Variants in ALG13 observed in about 807,000 individuals in gnomAD.
ALG13 encodes UDP-N-acetylglucosamine transferase subunit ALG13.
Under a neutral mutation model 87.8 loss-of-function variants are expected in ALG13, and 11 were observed. The observed-to-expected ratio is 0.13, with a 90% confidence interval of 0.08 to 0.21. The LOEUF is 0.21. Among genes scored for constraint, ALG13 ranks in the 10% least tolerant of loss-of-function variants. ALG13 has a pLI of 1.00. For missense variants in ALG13, 756 were observed against 866.1 expected (o/e 0.87, Z 1.60); for synonymous variants, 320 against 306.3 (o/e 1.04, Z -0.47).
chrX:111,754,704 A>G (rs1945077900), intron 25 of ALG13, among the ~76,000 whole-genome samples: 1 of 111,655 alleles, frequency 9.0e-6, no homozygotes, highest in Non-Finnish European at 1.9e-5. Flanking sequence ...ATACCTAGGA[A>G]TCCAACTTAC....
chrX:111,689,483 C>G (rs1200701953), intron 3 of ALG13: 1 of 752,183 alleles, frequency 1.3e-6, no homozygotes, highest in African/African-American at 2.3e-5. Context: ...TCTACTTCCC[C>G]AGAATAATGC....
intron 2 of ALG13, among the ~76,000 whole-genome samples, chrX:111,683,635 C>T (rs1414836833): frequency 1.8e-5 from 2 of 110,647 alleles, no homozygotes; most frequent in Admixed American, 9.7e-5. Context: ...CACTGCACCC[C>T]TCCGGAGTTA....
At chrX:111,699,618 C>G (rs1452643527) in intron 3 of ALG13, among the ~76,000 whole-genome samples, 4 of 111,852 alleles carry the variant, frequency 3.6e-5, no homozygotes, top group Non-Finnish European at 7.5e-5. Flanking sequence ...AGTCAGTTTT[C>G]CCAACCCCAT....
At chrX:111,738,522 A>G (rs764562380) in intron 23 of ALG13, among the ~76,000 whole-genome samples, 1 of 112,039 alleles carries the variant, frequency 8.9e-6, no homozygotes, top group South Asian at 3.7e-4. Context: ...TTTAAGAGAA[A>G]TAAGAGTGCT....
In ALG13 at chrX:111,751,652, A is replaced by T. The variant is rs978959331; in HGVS notation, c.2933-1138A>T. On this transcript the variant is annotated intron_variant, in intron 24 of 26. Coordinates refer to ENST00000394780, the MANE Select transcript of ALG13 (RefSeq NM_001099922.3). Reference sequence around the variant, plus strand: ...TGAATTTATTTCCTACTATTTTTTTAAAATATTATGTAGCTTGAGCATTAG... The same window carrying T: ...TGAATTTATTTCCTACTATTTTTTTTAAATATTATGTAGCTTGAGCATTAG... Among the ~76,000 whole-genome samples the T allele has an allele frequency of 5.4e-5, 6 of 111,799 alleles. No homozygotes were observed. The East Asian group carries it at 8.4e-4, about 16-fold the overall frequency.
intron 15 of ALG13, 70 bp downstream of exon 15, chrX:111,725,131 T>A (rs1220268041): frequency 8.9e-7 from 1 of 1,120,877 alleles, no homozygotes; most frequent in African/African-American, 1.8e-5. Flanking sequence ...TGCATTGTAC[T>A]ATTTTTTAAA....
chrX:111,686,093 C>T lies in ALG13; in HGVS notation c.383+990C>T, dbSNP rs751764357. On this transcript the variant is annotated intron_variant, in intron 3 of 26. Coordinates refer to ENST00000394780, the MANE Select transcript of ALG13 (RefSeq NM_001099922.3). ...TTAGAATTCAACAGGAACTGATCAT[C>T]GTAATAGAAGGATGAAGAAAATTAC... is the stretch of plus-strand genomic sequence containing the variant. 1.8e-5 allele frequency: 17 copies of T among 921,994 alleles called. No homozygotes were observed. The South Asian group carries it at 4.4e-4, about 24-fold the overall frequency. 76.0% of individuals were successfully genotyped at this position (921,994 alleles called of 1,213,427 possible).
chrX:111,756,574 T>G (rs1346279419), intron 25 of ALG13, among the ~76,000 whole-genome samples: 1 of 111,543 alleles, frequency 9.0e-6, no homozygotes, highest in Non-Finnish European at 1.9e-5. Flanking sequence ...GCTCTTTTAT[T>G]TTAGTCTTTC....
intron 24 of ALG13, among the ~76,000 whole-genome samples, chrX:111,751,342 C>G (rs185569164): frequency 1.8e-5 from 2 of 112,076 alleles, no homozygotes; most frequent in East Asian, 5.6e-4. Flanking sequence ...GCTGGCATTA[C>G]AGGCCTGGGC....
At chrX:111,713,111 A>G (rs1389434714) in intron 7 of ALG13, 114 bp from the exon 8 acceptor site, 1 of 461,740 alleles carries the variant, frequency 2.2e-6, no homozygotes, top group Admixed American at 3.9e-5. Flanking sequence ...GGATATTTAT[A>G]TTACTTTATA....
intron 3 of ALG13, among the ~76,000 whole-genome samples, chrX:111,704,515 T>G (rs1938418384): frequency 8.9e-6 from 1 of 112,117 alleles, no homozygotes. Flanking sequence ...AACTATGTAG[T>G]GATGCACCAT....
At chrX:111,753,171 T>A in intron 25 of ALG13, 1 of 137,611 alleles carries the variant, frequency 7.3e-6, no homozygotes, top group Non-Finnish European at 1.4e-5. Context: ...AAAATATTTT[T>A]ATGACTATCT....
At chrX:111,725,565 A>G (rs1438519628) in intron 15 of ALG13, among the ~76,000 whole-genome samples, 1 of 111,235 alleles carries the variant, frequency 9.0e-6, no homozygotes, top group African/African-American at 3.3e-5. Flanking sequence ...GGGTGACTGT[A>G]GTTAACAATT....
Position 111,727,762 on chromosome X carries a change from A to G in ALG13, c.2239A>G (p.Thr747Ala), listed in dbSNP as rs1295711589. 5.8e-6 allele frequency: 7 copies of G among 1,200,443 alleles called. No individual in the cohort carries two copies. The highest frequency in any genetic ancestry group is 3.0e-5 in the East Asian group (1 of 33,624). ...VEEGDETAYP[T>A]LPNHGGPSTM... is the part of the protein sequence containing the mutation. ...AGAAGGGGATGAGACTGCTTATCCAACTTTACCTGTGAGTGGATCAATGCT... is the reference window on the plus strand; with the variant it reads ...AGAAGGGGATGAGACTGCTTATCCAGCTTTACCTGTGAGTGGATCAATGCT... The change falls in exon 18 of 27, where the codon ACT becomes GCT. Residue 747 changes from threonine (T) to alanine (A), a missense_variant. This residue lies in a region of ALG13 where 362 missense variants were observed against 383.5 expected (regional missense o/e 0.94). Coordinates refer to ENST00000394780, the MANE Select transcript of ALG13 (RefSeq NM_001099922.3).
intron 24 of ALG13, among the ~76,000 whole-genome samples, chrX:111,752,413 A>G (rs928930409): frequency 1.8e-5 from 2 of 110,909 alleles, no homozygotes; most frequent in African/African-American, 6.6e-5. Context: ...TCAAACAGAA[A>G]AGCTTTTTTT....
rs58695768 is a variant in ALG13, at chrX:111,688,684, A to G, written c.383+3581A>G. 3.3e-3 allele frequency: 2,448 copies of G among 748,830 alleles called. 39 individuals are homozygous for G. In the African/African-American group the frequency reaches 0.053, roughly 16 times the overall value. The allele number at this position is 748,830 out of a possible 1,213,427, so 61.7% of individuals were successfully genotyped here. A position where few individuals can be genotyped will look rare whatever the true frequency, so the allele number is the denominator to read the frequency against. On this transcript the variant is annotated intron_variant, in intron 3 of 26. Coordinates refer to ENST00000394780, the MANE Select transcript of ALG13 (RefSeq NM_001099922.3). The stretch of plus-strand genomic sequence containing the variant: ...CCAATAGGACTTACTATTGTTTTTT[A>G]AGGATCTCCTCTCACAGTGGTAATG...
chrX:111,703,472 C>T (rs192610532), intron 3 of ALG13, among the ~76,000 whole-genome samples: 121 of 111,312 alleles, frequency 1.1e-3, no homozygotes, highest in Admixed American at 9.9e-3. Flanking sequence ...TAACCACTAC[C>T]ACAGTCGAGA....
chrX:111,712,172 A>G (rs1317120163), intron 6 of ALG13, among the ~76,000 whole-genome samples: 1 of 112,049 alleles, frequency 8.9e-6, no homozygotes, highest in East Asian at 2.8e-4. Context: ...TTCTGGACTT[A>G]AAAAAGCACA....
chrX:111,682,164 C>A lies in ALG13; in HGVS notation c.114C>A (p.Ile38=). 1 of 1,193,935 alleles carries A rather than the reference C, an allele frequency of 8.4e-7. No individual in the cohort carries two copies. The highest frequency in any genetic ancestry group is 1.1e-6 in the Non-Finnish European group (1 of 887,933). ...KIESLGYNRL[I]LQIGRGTVVP... ...AGAGCCTTGGTTACAACCGACTTAT[C>A]CTGCAAATTGGTAGAGGAACGGTGG... Residue 38 remains isoleucine, a synonymous_variant, in exon 2 of 27, where the codon ATC becomes ATA. Transcript: ENST00000394780.
Sources: allele counts gnomAD v4.1 joint callset (sites outside exome capture counted in the v4.1 genomes callset), GRCh38; gene constraint gnomAD v4.1.1; regional missense constraint gnomAD v4.1.1; transcripts MANE v1.5; gene names NCBI Gene and HGNC (gene_info 2026-07-23, HGNC 2026-07-21).